The following RPL28 variants were observed in gnomAD, a reference collection of about 807,000 sequenced individuals.
RPL28 encodes the protein large ribosomal subunit protein eL28.
RPL28 carries 4 observed loss-of-function variants against 12.5 expected under a neutral mutation model. The observed-to-expected ratio is 0.32, with a 90% CI of 0.16 to 0.73. The LOEUF (loss-of-function observed/expected upper bound fraction) is 0.73, where lower values mean the gene tolerates loss of function less well. Ranked by LOEUF, RPL28 falls within the 30% of genes least tolerant of loss-of-function variation. RPL28 has a pLI of 0.66. For missense variants in RPL28, 214 were observed against 197.7 expected, an observed-to-expected ratio of 1.08 and a Z score of -0.49; for synonymous variants, 91 against 72.5, an observed-to-expected ratio of 1.26 and a Z score of -1.30.
Position 55,391,780 on chromosome 19 carries a change from C to A in RPL28, c.*3448C>A. The A allele has an allele frequency of 1.5e-6, 2 of 1,326,662 alleles. No homozygotes were observed. Among genetic ancestry groups the A allele is most frequent in the South Asian group, 2.8e-5 (2 of 71,346 alleles). The allele number at this position is 1,326,662 out of a possible 1,614,324, so 82.2% of individuals were successfully genotyped here. A position where few individuals can be genotyped will look rare whatever the true frequency, so the allele number is the denominator to read the frequency against. On this transcript the variant is annotated 3_prime_UTR_variant, in exon 5 of 5. Coordinates refer to ENST00000344063, the MANE Select transcript of RPL28 (RefSeq NM_000991.5). ...AATGACTTTTTATAAATATTTTGAT[C>A]AGATGGACTCATGATCACAGATGTC...
intron 4 of RPL28, among the ~76,000 whole-genome samples, chr19:55,397,539 C>T (rs1262057645): frequency 1.3e-5 from 2 of 152,074 alleles, no homozygotes; most frequent in Non-Finnish European, 2.9e-5. Context: ...GCCACCACGC[C>T]CGGCTAATTT....
chr19:55,392,371 A>G (rs947085597), downstream of RPL28, among the ~76,000 whole-genome samples: 6 of 151,956 alleles, frequency 3.9e-5, no homozygotes, highest in African/African-American at 1.5e-4. Flanking sequence ...AGCTGGGACT[A>G]AGGTGTGCAG....
exon 5 of RPL28, chr19:55,403,124 A>C: frequency 1.2e-6 from 1 of 809,194 alleles, no homozygotes; most frequent in Non-Finnish European, 2.1e-6. Context: ...GGCACCCCCG[A>C]GTTGTGACAA....
In RPL28 at chr19:55,401,578, T is replaced by G. The variant is rs61748180; in HGVS notation, c.325-1365T>G. On this transcript the variant is annotated intron_variant, in intron 4 of 4. Coordinates refer to the RPL28 transcript ENST00000560055. ...GGCCCCAGGGTCGGTGGAGGAAGCT[T>G]CAGTGCCACTGGCCAGGGCCCGACC... 118,505 of 1,606,250 alleles carry G rather than the reference T, an allele frequency of 0.074. 4,972 individuals carry two copies. The highest frequency in any genetic ancestry group is 0.1 in the Middle Eastern group (465 of 4,590).
At chr19:55,393,484 G>A (rs968121923), downstream of RPL28, among the ~76,000 whole-genome samples, 1 of 152,060 alleles carries the variant, frequency 6.6e-6, no homozygotes, top group Non-Finnish European at 1.5e-5. Flanking sequence ...GCACAATTCA[G>A]TGATTTTTAG....
At chr19:55,386,884 C>T (rs2089935539) in intron 3 of RPL28, 191 bp downstream of exon 3, 6 of 1,538,334 alleles carry the variant, frequency 3.9e-6, no homozygotes, top group South Asian at 2.4e-5. Flanking sequence ...CGTCTGAGCC[C>T]GTGTCCTCAC....
downstream of RPL28, chr19:55,403,276 G>A (rs2090074441): frequency 1.7e-6 from 1 of 572,858 alleles, no homozygotes; most frequent in Non-Finnish European, 3.1e-6. Flanking sequence ...CGGCATGTAA[G>A]CTCAGCTTTA....
Position 55,388,487 on chromosome 19 carries a change from G to C in RPL28, c.*155G>C. 1 of 1,324,704 alleles carries C rather than the reference G, an allele frequency of 7.5e-7. No homozygotes were observed. Among genetic ancestry groups the C allele is most frequent in the Non-Finnish European group, 9.7e-7 (1 of 1,032,678 alleles). 82.1% of individuals were successfully genotyped at this position (1,324,704 alleles called of 1,614,324 possible). A position where few individuals can be genotyped will look rare whatever the true frequency, so the allele number is the denominator to read the frequency against. On this transcript the variant is annotated 3_prime_UTR_variant, in exon 5 of 5. Coordinates refer to ENST00000344063, the MANE Select transcript of RPL28 (RefSeq NM_000991.5). Reference sequence around the variant, plus strand: ...CATGTCACCTTGTCCATCTGGAGGTGATGTCAATGGCTGGCCATGCAGGAG... The same window carrying C: ...CATGTCACCTTGTCCATCTGGAGGTCATGTCAATGGCTGGCCATGCAGGAG...
chr19:55,403,228 A>G (rs865979592), exon 5 of RPL28: 5 of 617,414 alleles, frequency 8.1e-6, no homozygotes, highest in Middle Eastern at 4.0e-4. Flanking sequence ...ATCGCTATTA[A>G]AAAACCACTG....
At chr19:55,402,678 CTCT>C (rs996408740) in intron 4 of RPL28, among the ~76,000 whole-genome samples, 7 of 152,220 alleles carry the variant, frequency 4.6e-5, no homozygotes, top group Non-Finnish European at 8.8e-5. Flanking sequence ...GGTCTGGCTG[CTCT>C]TCTTGCTGGC....
chr19:55,388,017 G>C lies in RPL28; in HGVS notation c.293G>C (p.Arg98Pro). 1 of 1,613,568 alleles carries C rather than the reference G, an allele frequency of 6.2e-7. No individual in the cohort carries two copies. Among genetic ancestry groups the C allele is most frequent in the Admixed American group, 1.7e-5 (1 of 59,912 alleles). Reference protein sequence around the residue: ...ATLSSIRHMIRKNKYRPDLRM... With the variant: ...ATLSSIRHMIPKNKYRPDLRM... ...CTCAGCAGCATCAGACACATGATCC[G>C]CAAGAACAAGTACCGCCCCGACCTG... is the stretch of plus-strand genomic sequence containing the variant. Residue 98 changes from arginine (R) to proline (P), a missense_variant, in exon 4 of 5, where the codon CGC becomes CCC. By Grantham distance (103) the Arg-to-Pro change is moderately radical. Coordinates refer to ENST00000344063, the MANE Select transcript of RPL28 (RefSeq NM_000991.5).
In RPL28 at chr19:55,391,821, C is replaced by A. The variant is rs2089992959; in HGVS notation, c.*3489C>A. ...CACAGATGTCTTCACATGCCTATGA[C>A]TAATTTGTACACAAACTAATGCTCG... On this transcript the variant is annotated 3_prime_UTR_variant, in exon 5 of 5. Coordinates refer to ENST00000344063, the MANE Select transcript of RPL28 (RefSeq NM_000991.5). The A allele has an allele frequency of 1.4e-6, 2 of 1,410,942 alleles. No individual in the cohort carries two copies. Among genetic ancestry groups the A allele is most frequent in the Non-Finnish European group, 1.9e-6 (2 of 1,069,218 alleles). 87.4% of individuals were successfully genotyped at this position (1,410,942 alleles called of 1,614,324 possible).
In RPL28 at chr19:55,389,148, G is replaced by A; in HGVS notation, c.*816G>A. 4 of 984,950 alleles carry A rather than the reference G, an allele frequency of 4.1e-6. No homozygotes were observed. Among genetic ancestry groups the A allele is most frequent in the Non-Finnish European group, 4.8e-6 (4 of 829,520 alleles). The allele number at this position is 984,950 out of a possible 1,614,324, so 61.0% of individuals were successfully genotyped here. On this transcript the variant is annotated 3_prime_UTR_variant, in exon 5 of 5. Coordinates refer to ENST00000344063, the MANE Select transcript of RPL28 (RefSeq NM_000991.5). ...TGTTTATTACAGCTTGTGAGGCCAG[G>A]AGTTTGAGACCATCCTAGGCAACAT... is the stretch of plus-strand genomic sequence containing the variant.
downstream of RPL28, among the ~76,000 whole-genome samples, chr19:55,393,553 G>T (rs991186112): frequency 6.6e-6 from 1 of 151,418 alleles, no homozygotes; most frequent in Non-Finnish European, 1.5e-5. Context: ...TCATCATCCT[G>T]AATGGACACC....
In RPL28 at chr19:55,389,163, C is replaced by T. The variant is rs2089965348; in HGVS notation, c.*831C>T. The T allele has an allele frequency of 1.0e-6, 1 of 981,038 alleles. No homozygotes were observed. The allele number at this position is 981,038 out of a possible 1,614,324, so 60.8% of individuals were successfully genotyped here. On this transcript the variant is annotated 3_prime_UTR_variant, in exon 5 of 5. Transcript: ENST00000344063. ...GTGAGGCCAGGAGTTTGAGACCATC[C>T]TAGGCAACATAATGAGACACCGTCT...
intron 4 of RPL28, among the ~76,000 whole-genome samples, chr19:55,402,203 C>G (rs956300064): frequency 6.6e-6 from 1 of 152,234 alleles, no homozygotes; most frequent in Non-Finnish European, 1.5e-5. Flanking sequence ...AGAGAAGAGA[C>G]TTCCCCAGGG....
At position 55,390,090 on chromosome 19, in the gene RPL28, A is replaced by G; in HGVS notation, c.*1758A>G. On this transcript the variant is annotated 3_prime_UTR_variant, in exon 5 of 5. Transcript: ENST00000344063. ...ACAAGCTGGCAGGTTTATCTGTCTC[A>G]TGTTTGTCTTGTGCTGGTGGGCAAG... 1.0e-6 allele frequency: 1 copy of G among 985,392 alleles called. No individual in the cohort carries two copies. Among genetic ancestry groups the G allele is most frequent in the Non-Finnish European group, 1.2e-6 (1 of 829,958 alleles). The allele number at this position is 985,392 out of a possible 1,614,324, so 61.0% of individuals were successfully genotyped here.
At chr19:55,393,125 C>T (rs1338515929), downstream of RPL28, among the ~76,000 whole-genome samples, 3 of 145,398 alleles carry the variant, frequency 2.1e-5, no homozygotes, top group Non-Finnish European at 4.7e-5. Flanking sequence ...GGCCCCAGCT[C>T]CCACCGGCCT....
intron 4 of RPL28, chr19:55,399,885 A>G (rs1489737752): frequency 1.3e-5 from 2 of 152,226 alleles, no homozygotes; most frequent in Non-Finnish European, 2.9e-5. Context: ...GCAGAGCTTA[A>G]GATTTCTTGG....
Sources: gnomAD v4.1 joint callset for allele counts (sites outside exome capture counted in the v4.1 genomes callset) on GRCh38, gnomAD v4.1.1 for gene constraint, MANE v1.5 for transcripts, NCBI Gene and HGNC (gene_info 2026-07-23, HGNC 2026-07-21) for gene names.